ANAPC1: variants seen among roughly 807,000 people sequenced by gnomAD.
ANAPC1 encodes the protein anaphase promoting complex subunit 1.
ANAPC1 carries 36 observed loss-of-function variants against 208.0 expected under a neutral mutation model. The observed-to-expected ratio is 0.17, with a 90% CI of 0.13 to 0.23. The LOEUF is 0.23. Ranked by LOEUF, ANAPC1 falls within the 10% of genes least tolerant of loss-of-function variation. The pLI is 1.00. For synonymous variants in ANAPC1, 378 were observed against 695.2 expected (o/e 0.54, Z 7.18); for missense variants, 942 against 2,011.6 (o/e 0.47, Z 10.17).
At chr2:111,798,947 T>A (rs1464833283) in intron 34 of ANAPC1, among the ~76,000 whole-genome samples, 33 of 150,604 alleles carry the variant, frequency 2.2e-4, no homozygotes, top group African/African-American at 8.1e-4. Context: ...GGCAGGAGAA[T>A]GGCGTGAACC....
At chr2:111,835,970 T>C (rs1401049958) in intron 18 of ANAPC1, among the ~76,000 whole-genome samples, 3 of 152,230 alleles carry the variant, frequency 2.0e-5, no homozygotes, top group Non-Finnish European at 4.4e-5. Flanking sequence ...GTCTAGAACA[T>C]GTAAGAACTT....
chr2:111,790,361 G>A (rs1055148544), intron 38 of ANAPC1, among the ~76,000 whole-genome samples: 23 of 152,106 alleles, frequency 1.5e-4, no homozygotes, highest in Non-Finnish European at 3.4e-4. Context: ...GAGTTTGAAG[G>A]ATTTACTCAA....
intron 16 of ANAPC1, among the ~76,000 whole-genome samples, chr2:111,844,772 C>T (rs1316688645): frequency 6.6e-6 from 1 of 152,118 alleles, no homozygotes. Flanking sequence ...TTTCTGAGGT[C>T]GTTCAGTTTC....
rs779866371 is a variant in ANAPC1 at position 111,838,445 on chromosome 2, G to C, written c.2108C>G (p.Ser703Cys). The part of the protein sequence containing the change: ...PKKARPSETG[S>C]DDDWEYLLNS... ...AGAAATAATAATGCTTACATCATCA[G>C]ATCCAGTCTCGGAAGGCCTTGCTTT... Residue 703 changes from serine to cysteine, a missense_variant, in exon 18 of 48, where the codon TCT (serine) becomes TGT (cysteine). Physicochemically the swap from Ser to Cys is moderately radical, Grantham distance 112. Transcript: ENST00000341068. The C allele has an allele frequency of 6.2e-7, 1 of 1,604,110 alleles. No homozygotes were observed. The highest frequency in any genetic ancestry group is 8.5e-7 in the Non-Finnish European group (1 of 1,177,172).
At chr2:111,777,166 C>CG in intron 45 of ANAPC1, 109 bp from the exon 46 acceptor site, 2 of 628,592 alleles carry the variant, frequency 3.2e-6, no homozygotes, top group Non-Finnish European at 5.8e-6. Context: ...TATAAAGGGT[C>CG]GGGGGGTGGT....
intron 23 of ANAPC1, 45 bp downstream of exon 23, chr2:111,825,086 T>C: frequency 6.2e-7 from 1 of 1,613,858 alleles, no homozygotes; most frequent in Non-Finnish European, 8.5e-7. Flanking sequence ...TAAATAATAT[T>C]GTTTTAAGTG....
chr2:111,858,932 G>A (rs1201572286), intron 10 of ANAPC1, among the ~76,000 whole-genome samples: 1 of 151,958 alleles, frequency 6.6e-6, no homozygotes, highest in Non-Finnish European at 1.5e-5. Flanking sequence ...CAGCTTTGTT[G>A]GGGAAAGCTA....
intron 26 of ANAPC1, among the ~76,000 whole-genome samples, chr2:111,820,888 C>G (rs1255197207): frequency 1.3e-5 from 2 of 150,946 alleles, no homozygotes; most frequent in Middle Eastern, 3.5e-3. Context: ...GATCAAGACA[C>G]AGAAAAACAA....
intron 22 of ANAPC1, among the ~76,000 whole-genome samples, chr2:111,825,565 T>C (rs1253215780): frequency 6.6e-6 from 1 of 152,208 alleles, no homozygotes; most frequent in African/African-American, 2.4e-5. Flanking sequence ...ATAGTCCTTT[T>C]TACCCGCACT....
At chr2:111,838,080 C>T (rs951138632) in intron 18 of ANAPC1, among the ~76,000 whole-genome samples, 4 of 57,050 alleles carry the variant, frequency 7.0e-5, no homozygotes, top group Non-Finnish European at 9.3e-5. Context: ...AGTGATACTC[C>T]GTCTCAAAAA....
chr2:111,869,168 A>C (rs561583064), intron 6 of ANAPC1, among the ~76,000 whole-genome samples: 1 of 152,246 alleles, frequency 6.6e-6, no homozygotes, highest in African/African-American at 2.4e-5. Flanking sequence ...ACGCGTAAGG[A>C]AACTATAGCT....
chr2:111,787,032 C>T (rs1203644901), intron 39 of ANAPC1, among the ~76,000 whole-genome samples: 1 of 146,172 alleles, frequency 6.8e-6, no homozygotes, highest in African/African-American at 2.5e-5. Flanking sequence ...GCCTGTAGTC[C>T]CAGCTACATG....
intron 6 of ANAPC1, among the ~76,000 whole-genome samples, chr2:111,870,341 A>AT (rs1292820891): frequency 2.1e-4 from 32 of 152,338 alleles, no homozygotes; most frequent in African/African-American, 7.2e-4. Context: ...CCAGCAGTGT[A>AT]TAAGCATTCC....
intron 3 of ANAPC1, among the ~76,000 whole-genome samples, chr2:111,874,859 C>G (rs1275951785): frequency 6.6e-6 from 1 of 152,212 alleles, no homozygotes; most frequent in African/African-American, 2.4e-5. Context: ...CACTCTGTCA[C>G]CCAAACTGCA....
chr2:111,829,403 G>A (rs573625527), intron 21 of ANAPC1, among the ~76,000 whole-genome samples: 68 of 152,178 alleles, frequency 4.5e-4, no homozygotes, highest in Non-Finnish European at 8.8e-4. Context: ...AGAAGGGCAG[G>A]GGGCAAAGAC....
rs965462796 is a variant in ANAPC1 at position 111,876,995 on chromosome 2, A to G, written c.375+1815T>C. On this transcript the variant is annotated intron_variant, in intron 3 of 47. Coordinates refer to ENST00000341068, the MANE Select transcript of ANAPC1 (RefSeq NM_022662.4). ...ATCCAACAATCATGAAAATTTTGCCATATTTGTTTGTGTGTGTGCATTTGT... is the reference window on the plus strand; with the variant it reads ...ATCCAACAATCATGAAAATTTTGCCGTATTTGTTTGTGTGTGTGCATTTGT... Among the ~76,000 whole-genome samples, 28 of 152,230 alleles carry G rather than the reference A, an allele frequency of 1.8e-4. 1 individual carries two copies. The highest frequency in any genetic ancestry group is 1.9e-4 in the East Asian group (1 of 5,186).
At chr2:111,838,745 T>C (rs1680608492) in intron 17 of ANAPC1, among the ~76,000 whole-genome samples, 1 of 152,244 alleles carries the variant, frequency 6.6e-6, no homozygotes, top group Non-Finnish European at 1.5e-5. Context: ...CCTGGGCTTC[T>C]AAGGACTGAT....
intron 16 of ANAPC1, among the ~76,000 whole-genome samples, chr2:111,846,881 A>G (rs1468661062): frequency 1.3e-5 from 2 of 151,926 alleles, no homozygotes; most frequent in Non-Finnish European, 2.9e-5. Flanking sequence ...GCATGTCCAT[A>G]TATTATTATA....
At chr2:111,873,900 G>T (rs569767206) in intron 3 of ANAPC1, among the ~76,000 whole-genome samples, 6 of 151,716 alleles carry the variant, frequency 4.0e-5, no homozygotes, top group African/African-American at 1.4e-4. Flanking sequence ...AGATCCATAG[G>T]AATTAAAATT....
Sources: gnomAD v4.1 joint callset for allele counts (sites outside exome capture counted in the v4.1 genomes callset) on GRCh38, gnomAD v4.1.1 for gene constraint, MANE v1.5 for transcripts, NCBI Gene and HGNC (gene_info 2026-07-23, HGNC 2026-07-21) for gene names.